PWWP3A: variants seen among roughly 807,000 people sequenced by gnomAD.
PWWP3A encodes the protein PWWP domain containing 3A, DNA repair factor.
A neutral mutation model predicts 79.0 loss-of-function variants in PWWP3A; 53 were observed. The ratio of observed to expected loss-of-function variants is 0.67; its 90% CI spans 0.54 to 0.84. PWWP3A has a LOEUF of 0.84. Ranked by LOEUF, PWWP3A falls within the 40% of genes least tolerant of loss-of-function variation. PWWP3A has a pLI of 0.00. For synonymous variants in PWWP3A, 443 were observed against 394.4 expected (o/e 1.12, Z -1.46); for missense variants, 973 against 948.0 (o/e 1.03, Z -0.35).
At chr19:1,374,153 G>C (rs147768549) in intron 13 of PWWP3A, 1 of 152,150 alleles carries the variant, frequency 6.6e-6, no homozygotes, top group African/African-American at 2.4e-5. Flanking sequence ...CCTCTTCACC[G>C]CTCCACGCCC....
intron 13 of PWWP3A, among the ~76,000 whole-genome samples, chr19:1,376,295 G>GTTTTTGTTTTTTTTT: frequency 1.5e-5 from 1 of 67,044 alleles, no homozygotes; most frequent in Non-Finnish European, 3.0e-5. Context: ...CCGGCTGTTT[G>GTTTTTGTTTTTTTTT]TTTTTTTTTT....
intron 5 of PWWP3A, 71 bp from the exon 6 acceptor site, chr19:1,362,178 GA>G: frequency 7.6e-7 from 1 of 1,319,078 alleles, no homozygotes. Flanking sequence ...CATGTGTCAT[GA>G]AATGTTTTCT....
rs1326893234 is a variant in PWWP3A at position 1,368,275 on chromosome 19, C to T, written c.1423-990C>T. Among the ~76,000 whole-genome samples the T allele has an allele frequency of 3.3e-5, 5 of 152,116 alleles. No homozygotes were observed. Among genetic ancestry groups the T allele is most frequent in the Non-Finnish European group, 5.9e-5 (4 of 68,034 alleles). On this transcript the variant is annotated intron_variant, in intron 9 of 13. Transcript: ENST00000591337. The surrounding 1 kb of genome is among the most constrained non-coding windows in gnomAD (Gnocchi z 4.7). Reference sequence around the variant, plus strand: ...TGAAGGTGTGGGGTGAGGAGAAGAGCAGGAAGTTCCGTGCCTTAAACGCAG... The same window carrying T: ...TGAAGGTGTGGGGTGAGGAGAAGAGTAGGAAGTTCCGTGCCTTAAACGCAG...
At position 1,369,633 on chromosome 19, in the gene PWWP3A, C is replaced by T. The variant is rs147078410; in HGVS notation, c.1536C>T (p.Tyr512=). 2.6e-4 allele frequency: 418 copies of T among 1,614,208 alleles called. No homozygotes were observed. Among genetic ancestry groups the T allele is most frequent in the Non-Finnish European group, 3.4e-4 (404 of 1,180,030 alleles). The change falls in exon 11 of 14, where the codon TAC becomes TAT. Residue 512 remains tyrosine, a synonymous_variant. Transcript: ENST00000591337. This position sits in a 1 kb window ranked among gnomAD's most constrained non-coding sequence, Gnocchi z 4.0. The part of the protein sequence containing the change: ...GSFAGSFLEY[Y]AADISYPVRK... ...TTGCTGGCTCTTTCCTGGAATATTA[C>T]GCGGCTGATATAAGTAAGTCTACAG... is the stretch of plus-strand genomic sequence containing the variant.
chr19:1,376,626 C>T lies in PWWP3A; in HGVS notation c.*50C>T. Reference sequence around the variant, plus strand: ...CGGGGCCTGGCGGTGGAAGCGCCTCCAGTGTGCATGAGCGTGTCTGAAGAT... The same window carrying T: ...CGGGGCCTGGCGGTGGAAGCGCCTCTAGTGTGCATGAGCGTGTCTGAAGAT... On this transcript the variant is annotated 3_prime_UTR_variant, in exon 14 of 14. Transcript: ENST00000591337. 1 of 1,590,746 alleles carries T rather than the reference C, an allele frequency of 6.3e-7. No individual in the cohort carries two copies. Among genetic ancestry groups the T allele is most frequent in the East Asian group, 2.2e-5 (1 of 44,744 alleles).
rs187202362 is a variant in PWWP3A, at chr19:1,359,295, A to G, written c.214+831A>G. On this transcript the variant is annotated intron_variant, in intron 4 of 13. Coordinates refer to ENST00000591337, the MANE Select transcript of PWWP3A (RefSeq NM_001369789.1). ...TCCTTCCAATGATGTTTATAAAATC[A>G]GGTCTATTTTCCTGTGTCTTCCGAA... is the stretch of plus-strand genomic sequence containing the variant. 30 of 152,888 alleles carry G rather than the reference A, an allele frequency of 2.0e-4. 1 individual carries two copies. The highest frequency in any genetic ancestry group is 1.8e-3 in the Admixed American group (28 of 15,442). 9.5% of individuals were successfully genotyped at this position (152,888 alleles called of 1,614,324 possible).
At position 1,369,617 on chromosome 19, in the gene PWWP3A, C is replaced by T. The variant is rs2082207570; in HGVS notation, c.1520C>T (p.Ser507Phe). Residue 507 changes from serine to phenylalanine, a missense_variant, in exon 11 of 14, where the codon TCT (serine) becomes TTT (phenylalanine). Transcript: ENST00000591337. The surrounding 1 kb of genome is among the most constrained non-coding windows in gnomAD (Gnocchi z 4.0). ...GCAGGCTGCGGGTCTTTTGCTGGCT[C>T]TTTCCTGGAATATTACGCGGCTGAT... ...VRLGCGSFAG[S>F]FLEYYAADIS... 6.2e-7 allele frequency: 1 copy of T among 1,614,228 alleles called. No homozygotes were observed. Among genetic ancestry groups the T allele is most frequent in the East Asian group, 2.2e-5 (1 of 44,888 alleles).
Position 1,361,046 on chromosome 19 carries a change from G to A in PWWP3A, c.1111+14G>A, listed in dbSNP as rs760637019. 25 of 1,423,852 alleles carry A rather than the reference G, an allele frequency of 1.8e-5. No individual in the cohort carries two copies. Among genetic ancestry groups the A allele is most frequent in the South Asian group, 1.2e-4 (8 of 64,176 alleles). The allele number at this position is 1,423,852 out of a possible 1,614,324, so 88.2% of individuals were successfully genotyped here. A position where few individuals can be genotyped will look rare whatever the true frequency, so the allele number is the denominator to read the frequency against. On this transcript the variant is annotated intron_variant, in intron 5 of 13. Transcript: ENST00000591337. Reference sequence around the variant, plus strand: ...AGCTGGAGAAAGGTAAAAGTTTCTCGTGGAGGAGGAGAGCGCAGAGGGTGG... The same window carrying A: ...AGCTGGAGAAAGGTAAAAGTTTCTCATGGAGGAGGAGAGCGCAGAGGGTGG...
In PWWP3A at chr19:1,378,171, G is replaced by C. The variant is rs981038375; in HGVS notation, c.*1595G>C. 1 of 152,278 alleles carries C rather than the reference G, an allele frequency of 6.6e-6. No homozygotes were observed. Among genetic ancestry groups the C allele is most frequent in the Non-Finnish European group, 1.5e-5 (1 of 68,114 alleles). The allele number at this position is 152,278 out of a possible 1,614,324, so 9.4% of individuals were successfully genotyped here. On this transcript the variant is annotated 3_prime_UTR_variant, in exon 14 of 14. Transcript: ENST00000591337. ...TTGGCCCCCTGCTGGTCGCTGTTTC[G>C]GGGACTCGGGGCGGCCAGTACCACC...
In PWWP3A at chr19:1,360,501, G is replaced by C; in HGVS notation, c.580G>C (p.Ala194Pro). 1 of 1,614,228 alleles carries C rather than the reference G, an allele frequency of 6.2e-7. No homozygotes were observed. Among genetic ancestry groups the C allele is most frequent in the Non-Finnish European group, 8.5e-7 (1 of 1,180,036 alleles). Residue 194 changes from alanine to proline, a missense_variant, in exon 5 of 14, where the codon GCT becomes CCT. Physicochemically the swap from Ala to Pro is conservative, Grantham distance 27 (BLOSUM62 -1). Coordinates refer to ENST00000591337, the MANE Select transcript of PWWP3A (RefSeq NM_001369789.1). The surrounding 1 kb of genome is among the most constrained non-coding windows in gnomAD (Gnocchi z 4.4). ...ENPRGPLVLPAGGGAQDESGS... is the reference protein window; with the variant it reads ...ENPRGPLVLPPGGGAQDESGS... ...CCCAAGAGGCCCGTTGGTCCTCCCAGCTGGAGGTGGTGCCCAAGATGAGAG... is the reference window on the plus strand; with the variant it reads ...CCCAAGAGGCCCGTTGGTCCTCCCACCTGGAGGTGGTGCCCAAGATGAGAG...
rs1378795342 is a variant in PWWP3A at position 1,377,910 on chromosome 19, C to A, written c.*1334C>A. ...CTCAGATGCAGGGCGCTGTGCGGGA[C>A]GAAGCCGCAAGGACTCTCGTATCGG... On this transcript the variant is annotated 3_prime_UTR_variant, in exon 14 of 14. Coordinates refer to ENST00000591337, the MANE Select transcript of PWWP3A (RefSeq NM_001369789.1). 6.6e-6 allele frequency: 1 copy of A among 152,234 alleles called. No homozygotes were observed. Among genetic ancestry groups the A allele is most frequent in the African/African-American group, 2.4e-5 (1 of 41,460 alleles). The allele number at this position is 152,234 out of a possible 1,614,324, so 9.4% of individuals were successfully genotyped here. A position where few individuals can be genotyped will look rare whatever the true frequency, so the allele number is the denominator to read the frequency against.
intron 6 of PWWP3A, chr19:1,364,079 T>A (rs1352826334): frequency 6.0e-6 from 3 of 498,634 alleles, no homozygotes; most frequent in Non-Finnish European, 1.2e-5. Context: ...CTCTTTAGAA[T>A]CTCAGTCCTT....
intron 6 of PWWP3A, among the ~76,000 whole-genome samples, chr19:1,363,040 C>G (rs571227465): frequency 6.6e-6 from 1 of 152,320 alleles, no homozygotes; most frequent in East Asian, 1.9e-4. Flanking sequence ...ATTATAGATT[C>G]ACAGGATGTT....
At position 1,369,591 on chromosome 19, in the gene PWWP3A, T is replaced by C. The variant is rs1419692973; in HGVS notation, c.1499-5T>C. On this transcript the variant is annotated splice_polypyrimidine_tract_variant and splice_region_variant and intron_variant, in intron 10 of 13. Transcript: ENST00000591337. The surrounding 1 kb of genome is among the most constrained non-coding windows in gnomAD (Gnocchi z 4.0). ...ACAGTGCTCTCTCCCCTCCACCCCC[T>C]GCAGGCTGCGGGTCTTTTGCTGGCT... 1 of 1,614,180 alleles carries C rather than the reference T, an allele frequency of 6.2e-7. No individual in the cohort carries two copies.
intron 7 of PWWP3A, 48 bp from the exon 8 acceptor site, chr19:1,366,257 C>T: frequency 6.3e-7 from 1 of 1,580,830 alleles, no homozygotes; most frequent in Non-Finnish European, 8.7e-7. Context: ...ATTTAAAATC[C>T]ACGATCTCTT....
At chr19:1,355,326 A>T (rs1246731371) in intron 1 of PWWP3A, among the ~76,000 whole-genome samples, 191 bp downstream of exon 1, 2 of 147,682 alleles carry the variant, frequency 1.4e-5, no homozygotes, top group Non-Finnish European at 3.0e-5. Context: ...CTTTGCCTGG[A>T]CTCCTTTTCC....
chr19:1,364,856 T>C (rs2526132), intron 7 of PWWP3A, among the ~76,000 whole-genome samples: 110,235 of 152,100 alleles, frequency 0.72, 40,171 homozygotes, highest in Middle Eastern at 0.83. Flanking sequence ...CAGTGGTTCA[T>C]GCCTGTAATC....
At position 1,376,548 on chromosome 19, in the gene PWWP3A, T is replaced by C. The variant is rs754966022; in HGVS notation, c.2105T>C (p.Leu702Pro). 6.2e-7 allele frequency: 1 copy of C among 1,613,654 alleles called. No homozygotes were observed. Residue 702 changes from leucine (L) to proline (P), a missense_variant, in exon 14 of 14, where the codon CTT becomes CCT. Physicochemically the swap from Leu to Pro is moderately conservative, Grantham distance 98. Transcript: ENST00000591337. ...REKEIFDNQL[L>P]EERNRRRR Reference sequence around the variant, plus strand: ...AAAGAAATATTTGACAACCAGCTCCTTGAAGAGCGGAACCGGCGCCGTCGG... The same window carrying C: ...AAAGAAATATTTGACAACCAGCTCCCTGAAGAGCGGAACCGGCGCCGTCGG...
At chr19:1,355,516 A>C (rs1600090682) in intron 1 of PWWP3A, among the ~76,000 whole-genome samples, 1 of 68,668 alleles carries the variant, frequency 1.5e-5, no homozygotes, top group African/African-American at 6.0e-5. Context: ...CATCCCTGCC[A>C]CCTGGACCCT....
Sources: allele counts gnomAD v4.1 joint callset (sites outside exome capture counted in the v4.1 genomes callset), GRCh38; gene constraint gnomAD v4.1.1; non-coding constraint Gnocchi (gnomAD v3.1); transcripts MANE v1.5; gene names NCBI Gene and HGNC (gene_info 2026-07-23, HGNC 2026-07-21).